PLCB1: variants seen among roughly 807,000 people sequenced by gnomAD.
The protein encoded by PLCB1 is phospholipase C beta 1.
Under a neutral mutation model 161.8 loss-of-function variants are expected in PLCB1, and 46 were observed. That is an observed-to-expected ratio of 0.28 (90% CI 0.22 to 0.36). The LOEUF (loss-of-function observed/expected upper bound fraction) is 0.36, where lower values mean the gene tolerates loss of function less well. Among genes scored for constraint, PLCB1 ranks in the 10% least tolerant of loss-of-function variants. The pLI is 1.00. For synonymous variants in PLCB1, 517 were observed against 503.7 expected (o/e 1.03, Z -0.35); for missense variants, 1,016 against 1,472.5 (o/e 0.69, Z 5.07).
intron 3 of PLCB1, among the ~76,000 whole-genome samples, chr20:8,544,994 A>G (rs1985479782): frequency 6.6e-6 from 1 of 152,206 alleles, no homozygotes; most frequent in Non-Finnish European, 1.5e-5. Flanking sequence ...AAGGATACAC[A>G]AAGATGAATA....
intron 31 of PLCB1, among the ~76,000 whole-genome samples, chr20:8,823,682 C>T (rs931588245): frequency 6.6e-6 from 1 of 152,176 alleles, no homozygotes; most frequent in African/African-American, 2.4e-5. Flanking sequence ...AGCATATTCC[C>T]TAGTGGCATC....
At chr20:8,781,265 AT>A (rs1983205621) in intron 27 of PLCB1, among the ~76,000 whole-genome samples, 1 of 152,176 alleles carries the variant, frequency 6.6e-6, no homozygotes, top group African/African-American at 2.4e-5. Context: ...TTCCCAAAAA[AT>A]GTTGCATTTT....
intron 3 of PLCB1, among the ~76,000 whole-genome samples, chr20:8,504,358 C>T (rs1983543188): frequency 6.6e-6 from 1 of 152,138 alleles, no homozygotes; most frequent in African/African-American, 2.4e-5. Flanking sequence ...CATGGCCACA[C>T]CTAACTTCGA....
intron 2 of PLCB1, among the ~76,000 whole-genome samples, chr20:8,359,071 A>C (rs1420780533): frequency 6.6e-6 from 1 of 152,158 alleles, no homozygotes; most frequent in Non-Finnish European, 1.5e-5. Flanking sequence ...TAGTAAACAT[A>C]AGGCCTTGTA....
chr20:8,878,995 T>C (rs4813879), intron 31 of PLCB1, among the ~76,000 whole-genome samples: 57,003 of 151,848 alleles, frequency 0.38, 11,029 homozygotes, highest in South Asian at 0.58. Context: ...GTGTCAATCA[T>C]TGCCATATTT....
At chr20:8,197,162 A>G (rs1188189009) in intron 2 of PLCB1, among the ~76,000 whole-genome samples, 1 of 152,158 alleles carries the variant, frequency 6.6e-6, no homozygotes, top group African/African-American at 2.4e-5. Context: ...AGCATGATTT[A>G]TATTCCTTTG....
At chr20:8,455,526 C>T (rs904523086) in intron 3 of PLCB1, among the ~76,000 whole-genome samples, 16 of 148,282 alleles carry the variant, frequency 1.1e-4, no homozygotes, top group East Asian at 2.0e-4. Flanking sequence ...CTGCAAGCTC[C>T]GCCTCCTGGG....
intron 2 of PLCB1, among the ~76,000 whole-genome samples, chr20:8,309,165 G>A (rs918839455): frequency 3.3e-5 from 5 of 152,162 alleles, no homozygotes; most frequent in Non-Finnish European, 5.9e-5. Flanking sequence ...ACAGTAGGTT[G>A]CCCATGGCTT....
chr20:8,645,314 TA>T (rs11087815), intron 4 of PLCB1, among the ~76,000 whole-genome samples: 1 of 134,014 alleles, frequency 7.5e-6, no homozygotes, highest in Middle Eastern at 3.5e-3. Flanking sequence ...TAAAAAAAAA[TA>T]AAAAAAATAA....
chr20:8,287,397 G>C (rs1049290738), intron 2 of PLCB1, among the ~76,000 whole-genome samples: 1 of 152,110 alleles, frequency 6.6e-6, no homozygotes, highest in Admixed American at 6.5e-5. Context: ...AGGATAAGAT[G>C]TCACCAGCTT....
chr20:8,162,821 T>C (rs1435712138), intron 2 of PLCB1, among the ~76,000 whole-genome samples: 1 of 152,230 alleles, frequency 6.6e-6, no homozygotes, highest in Non-Finnish European at 1.5e-5. Flanking sequence ...ATGGATTCTA[T>C]TTTTAGATGA....
chr20:8,460,911 G>A (rs1258707079), intron 3 of PLCB1, among the ~76,000 whole-genome samples: 1 of 152,150 alleles, frequency 6.6e-6, no homozygotes, highest in African/African-American at 2.4e-5. Flanking sequence ...TGAGTGGCAA[G>A]TCTCCAAAGC....
At chr20:8,818,526 T>G (rs1985182964) in intron 31 of PLCB1, among the ~76,000 whole-genome samples, 1 of 152,246 alleles carries the variant, frequency 6.6e-6, no homozygotes, top group South Asian at 2.1e-4. Context: ...GAATAACTAT[T>G]CAGAATAATC....
In PLCB1 at chr20:8,716,423, C is replaced by A. The variant is rs528233898; in HGVS notation, c.1335+75C>A. On this transcript the variant is annotated intron_variant, in intron 13 of 31. Transcript: ENST00000338037. ...AATGAGGTTGAGGGAAAACTTACTT[C>A]CTTTTCATATTTATGTTTCTTGGTA... 1.8e-4 allele frequency: 191 copies of A among 1,033,234 alleles called. 3 individuals are homozygous for A. The South Asian group carries it at 2.4e-3, about 13-fold the overall frequency. 64.0% of individuals were successfully genotyped at this position (1,033,234 alleles called of 1,614,324 possible). A position where few individuals can be genotyped will look rare whatever the true frequency, so the allele number is the denominator to read the frequency against.
chr20:8,589,366 G>C (rs1320397314), intron 3 of PLCB1, among the ~76,000 whole-genome samples: 1 of 152,114 alleles, frequency 6.6e-6, no homozygotes. Context: ...AGCATCTTGT[G>C]GGGAGATGGT....
At chr20:8,783,032 A>T (rs1446551667) in intron 27 of PLCB1, among the ~76,000 whole-genome samples, 2 of 152,220 alleles carry the variant, frequency 1.3e-5, no homozygotes, top group African/African-American at 4.8e-5. Context: ...AGCAGAGTTG[A>T]GAACAAGCGT....
At position 8,761,978 on chromosome 20, in the gene PLCB1, G is replaced by GGGA. The variant is rs922880211; in HGVS notation, c.2710+1520_2710+1521insAGG. 5.3e-5 allele frequency among the ~76,000 whole-genome samples: 8 copies of GGGA among 151,344 alleles called. No homozygotes were observed. The East Asian group carries it at 8.0e-4, about 15-fold the overall frequency. ...AATCCCAGTACCTGGGGAGGCCAAG[G>GGGA]GGGGGGCGGATCACCTGAGGTCGGG... On this transcript the variant is annotated intron_variant, in intron 25 of 31. Transcript: ENST00000338037.
chr20:8,584,421 A>G (rs1364507526), intron 3 of PLCB1, among the ~76,000 whole-genome samples: 1 of 151,950 alleles, frequency 6.6e-6, no homozygotes, highest in East Asian at 1.9e-4. Flanking sequence ...GAGTACAGTG[A>G]GTAAATTTTA....
Position 8,756,926 on chromosome 20 carries a change from T to C in PLCB1, c.2524-120T>C, listed in dbSNP as rs1259338362. On this transcript the variant is annotated intron_variant, in intron 23 of 31. Transcript: ENST00000338037. ...CCCTGCTTTCCAGGGAGTATCAAATTTGATATTTCCAACTCCAAAAGAATT... is the reference window on the plus strand; with the variant it reads ...CCCTGCTTTCCAGGGAGTATCAAATCTGATATTTCCAACTCCAAAAGAATT... 7.6e-6 allele frequency: 7 copies of C among 922,838 alleles called. No individual in the cohort carries two copies. The African/African-American group carries it at 1.2e-4, about 15-fold the overall frequency. The allele number at this position is 922,838 out of a possible 1,614,324, so 57.2% of individuals were successfully genotyped here. A position where few individuals can be genotyped will look rare whatever the true frequency, so the allele number is the denominator to read the frequency against.
Sources: allele counts gnomAD v4.1 joint callset (sites outside exome capture counted in the v4.1 genomes callset), GRCh38; gene constraint gnomAD v4.1.1; transcripts MANE v1.5; gene names NCBI Gene and HGNC (gene_info 2026-07-23, HGNC 2026-07-21).